FRMD4A: variants seen among roughly 807,000 people sequenced by gnomAD.
The protein encoded by FRMD4A is FERM domain-containing protein 4A.
FRMD4A carries 29 observed loss-of-function variants against 129.1 expected under a neutral mutation model. The ratio of observed to expected loss-of-function variants is 0.22; its 90% CI spans 0.17 to 0.31. The LOEUF (loss-of-function observed/expected upper bound fraction) is 0.31. Ranked by LOEUF, FRMD4A falls within the 10% of genes least tolerant of loss-of-function variation. FRMD4A has a pLI of 1.00. For missense variants in FRMD4A, 1,272 were observed against 1,375.8 expected (o/e 0.92, Z 1.19); for synonymous variants, 634 against 571.6 (o/e 1.11, Z -1.56).
chr10:14,087,105 C>T (rs757257756), intron 2 of FRMD4A, among the ~76,000 whole-genome samples: 8 of 151,592 alleles, frequency 5.3e-5, no homozygotes, highest in East Asian at 1.9e-4. Context: ...ACCCTGGTTG[C>T]GGGGGGTGGG....
chr10:14,251,287 T>G (rs1384917409), intron 2 of FRMD4A, among the ~76,000 whole-genome samples: 1 of 152,198 alleles, frequency 6.6e-6, no homozygotes, highest in Non-Finnish European at 1.5e-5. Flanking sequence ...GTCTGGGGTG[T>G]GCTCTCTTTC....
chr10:14,174,963 A>G (rs1187678294), intron 2 of FRMD4A, among the ~76,000 whole-genome samples: 1 of 151,796 alleles, frequency 6.6e-6, no homozygotes, highest in Non-Finnish European at 1.5e-5. Context: ...CAAATAAATC[A>G]GGATTGACTG....
intron 2 of FRMD4A, among the ~76,000 whole-genome samples, chr10:13,873,441 T>C (rs996167368): frequency 1.3e-4 from 20 of 152,212 alleles, no homozygotes; most frequent in African/African-American, 4.8e-4. Flanking sequence ...GGAGACTAGA[T>C]TGTAGTAGAA....
chr10:13,732,155 C>T (rs1285936440), intron 12 of FRMD4A, among the ~76,000 whole-genome samples: 4 of 152,130 alleles, frequency 2.6e-5, no homozygotes, highest in Non-Finnish European at 5.9e-5. Flanking sequence ...TTTACTCCAA[C>T]CCCCAAGAGC....
At chr10:13,705,043 C>T (rs1172734974) in intron 13 of FRMD4A, among the ~76,000 whole-genome samples, 1 of 152,172 alleles carries the variant, frequency 6.6e-6, no homozygotes, top group African/African-American at 2.4e-5. Context: ...CACTGCATTC[C>T]AGCATGGGCG....
chr10:13,835,439 T>C (rs1486550565), intron 3 of FRMD4A, among the ~76,000 whole-genome samples: 1 of 152,176 alleles, frequency 6.6e-6, no homozygotes, highest in Non-Finnish European at 1.5e-5. Context: ...CACGGACCAG[T>C]ACAGGAACCG....
chr10:14,142,169 T>C (rs982017548), intron 2 of FRMD4A, among the ~76,000 whole-genome samples: 1 of 152,192 alleles, frequency 6.6e-6, no homozygotes, highest in Non-Finnish European at 1.5e-5. Flanking sequence ...TTTGTTGTTT[T>C]GTTTTTGCTA....
chr10:13,813,171 G>C (rs900625435), intron 3 of FRMD4A, among the ~76,000 whole-genome samples: 1 of 152,258 alleles, frequency 6.6e-6, no homozygotes, highest in African/African-American at 2.4e-5. Context: ...GTGGCCGGGC[G>C]CCATGGCTCA....
intron 3 of FRMD4A, among the ~76,000 whole-genome samples, chr10:13,835,196 C>T (rs999158207): frequency 1.3e-5 from 2 of 152,214 alleles, no homozygotes; most frequent in African/African-American, 4.8e-5. Context: ...ACTCGTGGAG[C>T]TGTGTGAACC....
chr10:13,797,060 A>G (rs1486049093), intron 4 of FRMD4A, among the ~76,000 whole-genome samples: 1 of 152,148 alleles, frequency 6.6e-6, no homozygotes. Flanking sequence ...TGAAGAACCC[A>G]GTGGGATTAG....
intron 2 of FRMD4A, among the ~76,000 whole-genome samples, chr10:14,132,124 A>G (rs1355277220): frequency 6.6e-6 from 1 of 152,082 alleles, no homozygotes; most frequent in Non-Finnish European, 1.5e-5. Flanking sequence ...CATCTCCACT[A>G]AAAATACAAA....
chr10:13,712,759 A>G (rs2088156449), intron 12 of FRMD4A, among the ~76,000 whole-genome samples: 1 of 152,210 alleles, frequency 6.6e-6, no homozygotes, highest in African/African-American at 2.4e-5. Flanking sequence ...TGAAAACAGG[A>G]GGTGGGAAAC....
chr10:14,282,428 T>C (rs746080403), intron 2 of FRMD4A, among the ~76,000 whole-genome samples: 1 of 152,122 alleles, frequency 6.6e-6, no homozygotes, highest in Non-Finnish European at 1.5e-5. Flanking sequence ...CTTAATAGTC[T>C]CCAGGCAAGT....
At chr10:14,101,879 C>T (rs1353863320) in intron 2 of FRMD4A, among the ~76,000 whole-genome samples, 2 of 152,180 alleles carry the variant, frequency 1.3e-5, no homozygotes, top group African/African-American at 4.8e-5. Flanking sequence ...GGGATATCCT[C>T]TCAGGAGCAT....
intron 2 of FRMD4A, among the ~76,000 whole-genome samples, chr10:14,221,672 G>A (rs537538285): frequency 2.0e-5 from 3 of 151,918 alleles, no homozygotes; most frequent in East Asian, 1.9e-4. Flanking sequence ...TGATCCTCCC[G>A]CCTCTGCCTC....
intron 13 of FRMD4A, among the ~76,000 whole-genome samples, chr10:13,704,061 A>G (rs1050318160): frequency 1.3e-5 from 2 of 152,146 alleles, no homozygotes; most frequent in African/African-American, 4.8e-5. Flanking sequence ...TACCCCACGT[A>G]CCCTGCCTTG....
chr10:14,006,119 A>G (rs2095661318), intron 2 of FRMD4A, among the ~76,000 whole-genome samples: 1 of 152,206 alleles, frequency 6.6e-6, no homozygotes, highest in Non-Finnish European at 1.5e-5. Flanking sequence ...AGAATTGTCA[A>G]TTCCTCTGAC....
rs140616193 is a variant in FRMD4A, at chr10:14,127,212, G to A, written c.45+202846C>T. Among the ~76,000 whole-genome samples, 512 of 152,334 alleles carry A rather than the reference G, an allele frequency of 3.4e-3. 4 individuals carry two copies. The highest frequency in any genetic ancestry group is 0.012 in the African/African-American group (494 of 41,572). ...TAGGCAAAGGCTCAGCATTCAGGTGGAGGTGGAAGCTGGCCCGTGAGGAGG... is the reference window on the plus strand; with the variant it reads ...TAGGCAAAGGCTCAGCATTCAGGTGAAGGTGGAAGCTGGCCCGTGAGGAGG... On this transcript the variant is annotated intron_variant, in intron 2 of 24. Coordinates refer to ENST00000357447, the MANE Select transcript of FRMD4A (RefSeq NM_018027.5).
At chr10:13,820,117 T>G (rs1054309429) in intron 3 of FRMD4A, among the ~76,000 whole-genome samples, 1 of 152,150 alleles carries the variant, frequency 6.6e-6, no homozygotes, top group African/African-American at 2.4e-5. Flanking sequence ...CCCCAGTCAC[T>G]AGAAGCTGGA....
Sources: allele counts gnomAD v4.1 joint callset (sites outside exome capture counted in the v4.1 genomes callset), GRCh38; gene constraint gnomAD v4.1.1; transcripts MANE v1.5; gene names NCBI Gene and HGNC (gene_info 2026-07-23, HGNC 2026-07-21).